ARHGEF28: variants seen among roughly 807,000 people sequenced by gnomAD.
ARHGEF28 encodes the protein Rho guanine nucleotide exchange factor 28, also known as 190 kDa guanine nucleotide exchange factor.
Under a neutral mutation model 206.6 loss-of-function variants are expected in ARHGEF28, and 152 were observed. That is an observed-to-expected ratio of 0.74 (90% CI 0.64 to 0.84). The LOEUF (loss-of-function observed/expected upper bound fraction) is 0.84, where lower values mean the gene tolerates loss of function less well. Among genes scored for constraint, ARHGEF28 ranks in the 40% least tolerant of loss-of-function variants. The probability of loss-of-function intolerance (pLI) is 0.00; values close to 1 mark genes in which losing one functional copy is unlikely to be tolerated. For synonymous variants in ARHGEF28, 763 were observed against 776.4 expected (o/e 0.98, Z 0.29); for missense variants, 2,028 against 2,073.2 (o/e 0.98, Z 0.42).
chr5:73,693,453 T>C (rs765398861), intron 2 of ARHGEF28, among the ~76,000 whole-genome samples: 3 of 152,206 alleles, frequency 2.0e-5, no homozygotes, highest in Non-Finnish European at 2.9e-5. Flanking sequence ...GACCTATTAA[T>C]TGATGGTCAT....
At chr5:73,762,683 A>G (rs959405595) in intron 4 of ARHGEF28, among the ~76,000 whole-genome samples, 3 of 152,012 alleles carry the variant, frequency 2.0e-5, no homozygotes, top group African/African-American at 7.2e-5. Flanking sequence ...TAATTTTTAT[A>G]GTCTTGATTT....
At chr5:73,940,736 G>A in intron 35 of ARHGEF28, 108 bp from the exon 36 acceptor site, 1 of 1,022,696 alleles carries the variant, frequency 9.8e-7, no homozygotes, top group African/African-American at 1.7e-5. Flanking sequence ...TTCTGTGGCT[G>A]ACTATATGGG....
Position 73,794,468 on chromosome 5 carries a change from C to A in ARHGEF28, c.963+14C>A. On this transcript the variant is annotated intron_variant, in intron 8 of 35. Coordinates refer to ENST00000513042, the MANE Select transcript of ARHGEF28 (RefSeq NM_001177693.2). ...GAAGATATAAAGGTAATGAATGACT[C>A]CCTGCTTCTTTCTTTGCACGTCTTT... 4 of 1,579,316 alleles carry A rather than the reference C, an allele frequency of 2.5e-6. No homozygotes were observed. The highest frequency in any genetic ancestry group is 3.5e-6 in the Non-Finnish European group (4 of 1,157,334).
At chr5:73,693,633 T>C (rs1045764416) in intron 2 of ARHGEF28, among the ~76,000 whole-genome samples, 2 of 152,204 alleles carry the variant, frequency 1.3e-5, no homozygotes, top group African/African-American at 2.4e-5. Flanking sequence ...AGATCACGTG[T>C]TTACTTTGTG....
intron 31 of ARHGEF28, 152 bp downstream of exon 31, chr5:73,901,436 C>T: frequency 1.8e-6 from 1 of 561,406 alleles, no homozygotes; most frequent in South Asian, 2.1e-5. Context: ...AACTTTCTAA[C>T]TTATTTCTTC....
intron 2 of ARHGEF28, among the ~76,000 whole-genome samples, chr5:73,691,104 A>T (rs1469029943): frequency 6.6e-6 from 1 of 151,876 alleles, no homozygotes; most frequent in Admixed American, 6.6e-5. Context: ...TAATTTTTGT[A>T]TTTTTTGTAG....
intron 9 of ARHGEF28, among the ~76,000 whole-genome samples, chr5:73,801,433 C>T (rs2973544): frequency 0.38 from 57,385 of 151,274 alleles, 11,378 homozygotes; most frequent in Non-Finnish European, 0.44. Flanking sequence ...GGCAACAGAG[C>T]GAGACTCCAT....
intron 25 of ARHGEF28, 119 bp downstream of exon 25, chr5:73,886,223 C>A: frequency 7.9e-7 from 1 of 1,266,364 alleles, no homozygotes; most frequent in Non-Finnish European, 1.1e-6. Flanking sequence ...AACCCTGGGT[C>A]AGTTGAAAGA....
At chr5:73,931,449 T>C (rs1764112524) in intron 35 of ARHGEF28, among the ~76,000 whole-genome samples, 1 of 152,216 alleles carries the variant, frequency 6.6e-6, no homozygotes, top group African/African-American at 2.4e-5. Context: ...CAGTTTTTTC[T>C]TACTGTAACT....
intron 16 of ARHGEF28, 66 bp downstream of exon 16, chr5:73,858,285 C>A: frequency 6.6e-7 from 1 of 1,504,266 alleles, no homozygotes; most frequent in Middle Eastern, 1.8e-4. Context: ...TGGGAAGAGG[C>A]TCATTGCTCA....
intron 4 of ARHGEF28, among the ~76,000 whole-genome samples, chr5:73,770,658 T>G (rs917485281): frequency 6.6e-6 from 1 of 152,232 alleles, no homozygotes; most frequent in Admixed American, 6.5e-5. Flanking sequence ...TATTTATATA[T>G]GTCATGATGC....
At chr5:73,722,535 G>A (rs961263524) in intron 2 of ARHGEF28, among the ~76,000 whole-genome samples, 3 of 152,160 alleles carry the variant, frequency 2.0e-5, no homozygotes, top group East Asian at 1.9e-4. Context: ...AACATAAAAC[G>A]CTTTGTTTAT....
intron 1 of ARHGEF28, among the ~76,000 whole-genome samples, chr5:73,662,528 C>A (rs1392776013): frequency 2.6e-5 from 4 of 152,136 alleles, no homozygotes; most frequent in Admixed American, 2.6e-4. Flanking sequence ...CAATAAGGAA[C>A]TTATATATCA....
At chr5:73,852,177 G>T (rs1362172177) in intron 13 of ARHGEF28, among the ~76,000 whole-genome samples, 5 of 152,166 alleles carry the variant, frequency 3.3e-5, no homozygotes, top group Non-Finnish European at 5.9e-5. Context: ...ACTTGCTGCT[G>T]CTAGGATTTT....
intron 2 of ARHGEF28, among the ~76,000 whole-genome samples, chr5:73,744,807 T>C (rs1751633221): frequency 6.6e-6 from 1 of 152,096 alleles, no homozygotes; most frequent in African/African-American, 2.4e-5. Flanking sequence ...ACAATTACCA[T>C]TGAAAAGTAT....
At chr5:73,812,337 C>T (rs1171556554) in intron 9 of ARHGEF28, among the ~76,000 whole-genome samples, 3 of 152,186 alleles carry the variant, frequency 2.0e-5, no homozygotes, top group Non-Finnish European at 2.9e-5. Context: ...AATTAAGACA[C>T]ATACTGTCAC....
chr5:73,794,297 T>C (rs1248340161), intron 7 of ARHGEF28, 105 bp from the exon 8 acceptor site: 2 of 875,338 alleles, frequency 2.3e-6, no homozygotes, highest in African/African-American at 3.5e-5. Flanking sequence ...CCTATCTCTG[T>C]GCAGAAGGCT....
chr5:73,645,524 G>C (rs571237954), intron 1 of ARHGEF28, among the ~76,000 whole-genome samples: 1 of 152,032 alleles, frequency 6.6e-6, no homozygotes, highest in Admixed American at 6.5e-5. Context: ...CATCTCCCTT[G>C]ACTAATTTTA....
chr5:73,938,074 G>A (rs929181691), intron 35 of ARHGEF28, among the ~76,000 whole-genome samples: 34 of 151,364 alleles, frequency 2.2e-4, no homozygotes, highest in African/African-American at 7.8e-4. Context: ...TTCACCTTAG[G>A]GCACAACAAG....
Sources: allele counts gnomAD v4.1 joint callset (sites outside exome capture counted in the v4.1 genomes callset), GRCh38; gene constraint gnomAD v4.1.1; transcripts MANE v1.5; gene names NCBI Gene and HGNC (gene_info 2026-07-23, HGNC 2026-07-21).